CCDC85C: variants seen among roughly 807,000 people sequenced by gnomAD.
CCDC85C encodes coiled-coil domain containing 85C.
CCDC85C carries 18 observed loss-of-function variants against 38.3 expected under a neutral mutation model. The ratio of observed to expected loss-of-function variants is 0.47; its 90% CI spans 0.33 to 0.70. CCDC85C has a LOEUF of 0.70. CCDC85C is among the 30% of genes least tolerant of loss of function. CCDC85C has a pLI of 0.03. For missense variants in CCDC85C, 566 were observed against 621.2 expected (o/e 0.91, Z 0.94); for synonymous variants, 264 against 293.8 (o/e 0.90, Z 1.04).
rs539286153 is a variant in CCDC85C, at chr14:99,550,288, C to G, written c.794-14200G>C. On this transcript the variant is annotated intron_variant, in intron 1 of 5. Transcript: ENST00000380243. ...ATCTAACTGCATGAATGTTTAAAAACAGAGAGCCTTTCCCCGCTGAGCTCA... is the reference window on the plus strand; with the variant it reads ...ATCTAACTGCATGAATGTTTAAAAAGAGAGAGCCTTTCCCCGCTGAGCTCA... Among the ~76,000 whole-genome samples, 424 of 152,318 alleles carry G rather than the reference C, an allele frequency of 2.8e-3. 1 individual carries two copies. Among genetic ancestry groups the G allele is most frequent in the Non-Finnish European group, 4.8e-3 (329 of 68,022 alleles).
chr14:99,504,918 G>C lies in CCDC85C; in HGVS notation c.*10328C>G. On this transcript the variant is annotated 3_prime_UTR_variant, in exon 6 of 6. Coordinates refer to ENST00000380243, the MANE Select transcript of CCDC85C (RefSeq NM_001144995.2). ...GAAGGAAGAGTTGCATTTGAGCAGC[G>C]AGAGCAGAGGGGGAGGATGGAGCAA... 6.6e-6 allele frequency: 1 copy of C among 152,420 alleles called. No homozygotes were observed. The highest frequency in any genetic ancestry group is 6.5e-5 in the Admixed American group (1 of 15,308). The allele number at this position is 152,420 out of a possible 1,614,324, so 9.4% of individuals were successfully genotyped here.
chr14:99,526,758 T>C (rs1897393347), intron 2 of CCDC85C, among the ~76,000 whole-genome samples: 1 of 152,164 alleles, frequency 6.6e-6, no homozygotes, highest in African/African-American at 2.4e-5. Context: ...CTCAGTGGCC[T>C]ATCAGGCTGA....
chr14:99,601,025 G>A (rs1035596785), intron 1 of CCDC85C, among the ~76,000 whole-genome samples: 4 of 151,722 alleles, frequency 2.6e-5, no homozygotes, highest in Non-Finnish European at 2.9e-5. Flanking sequence ...ACCCTGTCTC[G>A]AAAAAAGGGA....
chr14:99,503,636 A>T lies in CCDC85C; in HGVS notation c.*11610T>A. 6.4e-7 allele frequency: 1 copy of T among 1,560,208 alleles called. No individual in the cohort carries two copies. The highest frequency in any genetic ancestry group is 8.7e-7 in the Non-Finnish European group (1 of 1,150,054). On this transcript the variant is annotated 3_prime_UTR_variant, in exon 6 of 6. Coordinates refer to ENST00000380243, the MANE Select transcript of CCDC85C (RefSeq NM_001144995.2). The stretch of plus-strand genomic sequence containing the variant: ...GTTGTTTCTCCCAAAGAAGAGAACA[A>T]AGCAGCAGGTAATTTCCTGTTCTGA...
intron 1 of CCDC85C, among the ~76,000 whole-genome samples, chr14:99,592,567 A>C (rs1000675657): frequency 6.6e-6 from 1 of 152,254 alleles, no homozygotes. Context: ...GGGGGAAATC[A>C]GATGCCACCA....
At chr14:99,571,136 A>T (rs1898332502) in intron 1 of CCDC85C, among the ~76,000 whole-genome samples, 2 of 152,092 alleles carry the variant, frequency 1.3e-5, no homozygotes, top group African/African-American at 4.8e-5. Flanking sequence ...AATGAAGACA[A>T]AGGATGAGGA....
chr14:99,563,207 A>G (rs1898151059), intron 1 of CCDC85C, among the ~76,000 whole-genome samples: 1 of 152,250 alleles, frequency 6.6e-6, no homozygotes, highest in South Asian at 2.1e-4. Context: ...CAGCCATGGC[A>G]GGGACTGGGT....
At chr14:99,525,200 G>A (rs1293715013) in intron 2 of CCDC85C, among the ~76,000 whole-genome samples, 12 of 152,194 alleles carry the variant, frequency 7.9e-5, no homozygotes, top group Admixed American at 7.2e-4. Context: ...TCAGGGCCCA[G>A]CGAGGACTCG....
Position 99,516,799 on chromosome 14 carries a change from C to G in CCDC85C, c.1071+289G>C, listed in dbSNP as rs1239003628. ...AGACCTGAGGTTAGTTCTAGCCCCA[C>G]TCCTGCCCCTCTCTCTCTGGCCTTA... On this transcript the variant is annotated intron_variant, in intron 4 of 5. Coordinates refer to ENST00000380243, the MANE Select transcript of CCDC85C (RefSeq NM_001144995.2). This position sits in a 1 kb window ranked among gnomAD's most constrained non-coding sequence, Gnocchi z 5.5. 6.6e-6 allele frequency among the ~76,000 whole-genome samples: 1 copy of G among 152,162 alleles called. No individual in the cohort carries two copies. Among genetic ancestry groups the G allele is most frequent in the East Asian group, 1.9e-4 (1 of 5,198 alleles).
rs1566755185 is a variant in CCDC85C at position 99,510,314 on chromosome 14, C to T, written c.*4932G>A. On this transcript the variant is annotated 3_prime_UTR_variant, in exon 6 of 6. Transcript: ENST00000380243. Reference sequence around the variant, plus strand: ...CACACCGGCCCCCGCCCCCACCCCCCTCCAGCTACATGACCGGGATGTCCA... The same window carrying T: ...CACACCGGCCCCCGCCCCCACCCCCTTCCAGCTACATGACCGGGATGTCCA... 2.6e-6 allele frequency: 4 copies of T among 1,567,332 alleles called. No individual in the cohort carries two copies. Among genetic ancestry groups the T allele is most frequent in the South Asian group, 2.3e-5 (2 of 87,910 alleles).
chr14:99,525,111 G>C (rs1897358712), intron 2 of CCDC85C, among the ~76,000 whole-genome samples: 1 of 152,312 alleles, frequency 6.6e-6, no homozygotes, highest in South Asian at 2.1e-4. Flanking sequence ...GAGGTTGCAG[G>C]GCCTCCTTTT....
rs1174680628 is a variant in CCDC85C, at chr14:99,588,111, CCA to C, written c.793+15054_793+15055del. 6.6e-6 allele frequency among the ~76,000 whole-genome samples: 1 copy of C among 152,150 alleles called. No individual in the cohort carries two copies. Among genetic ancestry groups the C allele is most frequent in the Non-Finnish European group, 1.5e-5 (1 of 68,036 alleles). On this transcript the variant is annotated intron_variant, in intron 1 of 5. Transcript: ENST00000380243. The surrounding 1 kb of genome is among the most constrained non-coding windows in gnomAD (Gnocchi z 5.0). Reference sequence around the variant, plus strand: ...GGATTCCCCACTGGGTCTGTCGTCCCCAGTTCCTCCAGCTGCCAATCAGCAGA... The same window carrying C: ...GGATTCCCCACTGGGTCTGTCGTCCCGTTCCTCCAGCTGCCAATCAGCAGA...
chr14:99,500,906 C>A lies in CCDC85C; in HGVS notation c.*14340G>T. On this transcript the variant is annotated 3_prime_UTR_variant, in exon 6 of 6. Coordinates refer to ENST00000380243, the MANE Select transcript of CCDC85C (RefSeq NM_001144995.2). ...AAGTTTTCAGAAGAATTTTTTCATTCTGAAATCAAGTCTTTATAATTTGAT... is the reference window on the plus strand; with the variant it reads ...AAGTTTTCAGAAGAATTTTTTCATTATGAAATCAAGTCTTTATAATTTGAT... 1 of 1,272,278 alleles carries A rather than the reference C, an allele frequency of 7.9e-7. No individual in the cohort carries two copies. The highest frequency in any genetic ancestry group is 1.1e-6 in the Non-Finnish European group (1 of 907,738). The allele number at this position is 1,272,278 out of a possible 1,614,324, so 78.8% of individuals were successfully genotyped here. A position where few individuals can be genotyped will look rare whatever the true frequency, so the allele number is the denominator to read the frequency against.
At chr14:99,521,440 G>A (rs535430533) in intron 3 of CCDC85C, among the ~76,000 whole-genome samples, 2 of 152,296 alleles carry the variant, frequency 1.3e-5, no homozygotes, top group African/African-American at 4.8e-5. Context: ...AGCAGGAAGG[G>A]GCACAGCTGC....
intron 1 of CCDC85C, among the ~76,000 whole-genome samples, chr14:99,540,590 G>A (rs1897693387): frequency 6.6e-6 from 1 of 152,236 alleles, no homozygotes; most frequent in Admixed American, 6.5e-5. Flanking sequence ...GCTGCCTGAG[G>A]GCAAAATGAG....
intron 1 of CCDC85C, among the ~76,000 whole-genome samples, chr14:99,551,501 G>A (rs1218193722): frequency 6.6e-6 from 1 of 151,858 alleles, no homozygotes; most frequent in African/African-American, 2.4e-5. Flanking sequence ...AAGGCAGTGT[G>A]CAGGTGGGTG....
intron 3 of CCDC85C, among the ~76,000 whole-genome samples, chr14:99,519,015 G>A (rs1430430769): frequency 6.6e-6 from 1 of 150,400 alleles, no homozygotes; most frequent in Non-Finnish European, 1.5e-5. Flanking sequence ...CACTGACTAG[G>A]TACCCACTTA....
intron 1 of CCDC85C, among the ~76,000 whole-genome samples, chr14:99,539,737 A>C (rs1897674411): frequency 6.6e-6 from 1 of 152,222 alleles, no homozygotes; most frequent in East Asian, 1.9e-4. Context: ...GTCCACAGAA[A>C]TCCTGACTGT....
At chr14:99,530,470 C>T (rs755320278) in intron 2 of CCDC85C, among the ~76,000 whole-genome samples, 18 of 152,200 alleles carry the variant, frequency 1.2e-4, no homozygotes, top group African/African-American at 2.4e-4. Context: ...ACCACCGCGA[C>T]GCCAGCATCT....
Sources: gnomAD v4.1 joint callset for allele counts (sites outside exome capture counted in the v4.1 genomes callset) on GRCh38, gnomAD v4.1.1 for gene constraint, Gnocchi (gnomAD v3.1) non-coding constraint, MANE v1.5 for transcripts, NCBI Gene and HGNC (gene_info 2026-07-23, HGNC 2026-07-21) for gene names.